The following ARSJ variants were observed in gnomAD, a reference collection of about 807,000 sequenced individuals.
ARSJ encodes the protein arylsulfatase family member J, also known as arylsulfatase J.
ARSJ carries 26 observed loss-of-function variants against 35.9 expected under a neutral mutation model. That is an observed-to-expected ratio of 0.72 (90% CI 0.53 to 1.00). ARSJ has a LOEUF of 1.00. ARSJ is among the 50% of genes least tolerant of loss of function. ARSJ has a pLI of 0.00. For missense variants in ARSJ, 667 were observed against 723.6 expected, an observed-to-expected ratio of 0.92 and a Z score of 0.90; for synonymous variants, 294 against 267.6, an observed-to-expected ratio of 1.10 and a Z score of -0.96.
intron 1 of ARSJ, among the ~76,000 whole-genome samples, chr4:113,942,874 T>G (rs1431883338): frequency 6.6e-6 from 1 of 152,040 alleles, no homozygotes; most frequent in Non-Finnish European, 1.5e-5. Context: ...AATAGACATA[T>G]GTGAAGAAAA....
At chr4:113,975,860 T>C (rs1727559877) in intron 1 of ARSJ, among the ~76,000 whole-genome samples, 1 of 152,166 alleles carries the variant, frequency 6.6e-6, no homozygotes, top group Non-Finnish European at 1.5e-5. Context: ...ATTTCTAGAC[T>C]CAACCCCGGA....
chr4:113,917,859 T>A (rs566672462), intron 1 of ARSJ, among the ~76,000 whole-genome samples: 1 of 152,330 alleles, frequency 6.6e-6, no homozygotes, highest in South Asian at 2.1e-4. Flanking sequence ...TGCCTCAGTT[T>A]CCTAATTTGC....
chr4:113,972,813 A>G (rs1425294722), intron 1 of ARSJ, among the ~76,000 whole-genome samples: 1 of 152,208 alleles, frequency 6.6e-6, no homozygotes, highest in Non-Finnish European at 1.5e-5. Context: ...TGTCCCTGCC[A>G]TATTTTCAAG....
At chr4:113,952,198 TAG>T (rs1725904573) in intron 1 of ARSJ, among the ~76,000 whole-genome samples, 2 of 152,048 alleles carry the variant, frequency 1.3e-5, no homozygotes. Flanking sequence ...GCCTCTCAAG[TAG>T]CTGGCACCAC....
intron 1 of ARSJ, among the ~76,000 whole-genome samples, chr4:113,972,251 T>C (rs1368097680): frequency 1.9e-5 from 2 of 106,262 alleles, no homozygotes; most frequent in African/African-American, 3.7e-5. Flanking sequence ...GAAGAGGCTA[T>C]AATTAAAACC....
intron 1 of ARSJ, among the ~76,000 whole-genome samples, chr4:113,904,148 C>T (rs554991897): frequency 6.6e-6 from 1 of 151,890 alleles, no homozygotes; most frequent in Non-Finnish European, 1.5e-5. Context: ...AGGCTAGTCT[C>T]GAACTCCTGA....
intron 1 of ARSJ, among the ~76,000 whole-genome samples, chr4:113,909,595 G>A (rs1011794586): frequency 4.6e-5 from 7 of 152,154 alleles, no homozygotes; most frequent in South Asian, 2.1e-4. Flanking sequence ...TTCCCCTTTC[G>A]GTTGGCTCTC....
intron 1 of ARSJ, among the ~76,000 whole-genome samples, chr4:113,920,621 T>C (rs959688397): frequency 6.6e-6 from 1 of 152,142 alleles, no homozygotes; most frequent in Non-Finnish European, 1.5e-5. Context: ...AATGAAACCT[T>C]TGTTTAAAAA....
In ARSJ at chr4:113,924,414, C is replaced by T. The variant is rs562275903; in HGVS notation, c.399-20739G>A. Among the ~76,000 whole-genome samples the T allele has an allele frequency of 1.6e-3, 236 of 152,118 alleles. 1 individual carries two copies. The highest frequency in any genetic ancestry group is 6.8e-3 in the Middle Eastern group (2 of 294). ...CCAGCCCACTGACTCAAATGTTAATCTCCTTAGGCAACACCCTCACAGACA... is the reference window on the plus strand; with the variant it reads ...CCAGCCCACTGACTCAAATGTTAATTTCCTTAGGCAACACCCTCACAGACA... On this transcript the variant is annotated intron_variant, in intron 1 of 1. Transcript: ENST00000315366.
In ARSJ at chr4:113,902,757, C is replaced by G. The variant is rs769976200; in HGVS notation, c.1317G>C (p.Gly439=). The change falls in exon 2 of 2, where the codon GGG becomes GGC. Residue 439 remains glycine, a synonymous_variant. Coordinates refer to ENST00000315366, the MANE Select transcript of ARSJ (RefSeq NM_024590.4). ...AKNGSWAAGY[G]IWNTAIQSAI... ...CTGACTGGATTGCAGTGTTCCAGATCCCATAGCCTGCTGCCCAGGAGCCAT... is the reference window on the plus strand; with the variant it reads ...CTGACTGGATTGCAGTGTTCCAGATGCCATAGCCTGCTGCCCAGGAGCCAT... The G allele has an allele frequency of 1.2e-6, 2 of 1,614,204 alleles. No homozygotes were observed. The highest frequency in any genetic ancestry group is 2.2e-5 in the East Asian group (1 of 44,884).
intron 1 of ARSJ, among the ~76,000 whole-genome samples, chr4:113,927,539 T>C (rs1724147497): frequency 6.6e-6 from 1 of 152,224 alleles, no homozygotes; most frequent in Non-Finnish European, 1.5e-5. Context: ...GGTAAATTGC[T>C]GGCCTTGCCA....
At chr4:113,929,142 C>A (rs1365309070) in intron 1 of ARSJ, among the ~76,000 whole-genome samples, 1 of 152,104 alleles carries the variant, frequency 6.6e-6, no homozygotes, top group East Asian at 1.9e-4. Context: ...AATATGCATT[C>A]CCATGCCTGT....
chr4:113,957,972 C>A (rs980235423), intron 1 of ARSJ, among the ~76,000 whole-genome samples: 1 of 152,074 alleles, frequency 6.6e-6, no homozygotes, highest in Non-Finnish European at 1.5e-5. Context: ...TCAAGAAAAA[C>A]AACTTCATAT....
intron 1 of ARSJ, among the ~76,000 whole-genome samples, chr4:113,960,485 C>T (rs192162811): frequency 1.8e-3 from 279 of 151,742 alleles, no homozygotes; most frequent in Middle Eastern, 0.017. Flanking sequence ...GTTATAAAAC[C>T]GCAGGATTAT....
chr4:113,963,771 T>C (rs1726714639), intron 1 of ARSJ, among the ~76,000 whole-genome samples: 1 of 152,110 alleles, frequency 6.6e-6, no homozygotes. Flanking sequence ...AATGATTAGC[T>C]GGTAGTGGAG....
intron 1 of ARSJ, among the ~76,000 whole-genome samples, chr4:113,907,104 T>A (rs2099668986): frequency 6.6e-6 from 1 of 152,212 alleles, no homozygotes. Context: ...CTGTTCTTTT[T>A]AAGAGTTAAT....
chr4:113,910,328 T>C (rs763032548), intron 1 of ARSJ, among the ~76,000 whole-genome samples: 2 of 152,224 alleles, frequency 1.3e-5, no homozygotes, highest in South Asian at 2.1e-4. Context: ...TAAGATGTTA[T>C]TGTTTTAACC....
intron 1 of ARSJ, among the ~76,000 whole-genome samples, chr4:113,952,812 C>T (rs1485352605): frequency 6.6e-6 from 1 of 151,992 alleles, no homozygotes; most frequent in South Asian, 2.1e-4. Flanking sequence ...GGGACGCAAT[C>T]AAGACAGATC....
intron 1 of ARSJ, among the ~76,000 whole-genome samples, chr4:113,967,985 T>C (rs753175756): frequency 6.6e-6 from 1 of 152,218 alleles, no homozygotes; most frequent in Non-Finnish European, 1.5e-5. Flanking sequence ...TAAATGTTTA[T>C]TGAGAGTCTG....
Sources: allele counts gnomAD v4.1 joint callset (sites outside exome capture counted in the v4.1 genomes callset), GRCh38; gene constraint gnomAD v4.1.1; transcripts MANE v1.5; gene names NCBI Gene and HGNC (gene_info 2026-07-23, HGNC 2026-07-21).